PPP6C: variants seen among roughly 807,000 people sequenced by gnomAD.
PPP6C encodes the protein serine/threonine-protein phosphatase 6 catalytic subunit.
PPP6C carries 11 observed loss-of-function variants against 39.8 expected under a neutral mutation model. That is an observed-to-expected ratio of 0.28 (90% CI 0.17 to 0.46). The LOEUF (loss-of-function observed/expected upper bound fraction) is 0.46. Among genes scored for constraint, PPP6C ranks in the 20% least tolerant of loss-of-function variants. The probability of loss-of-function intolerance (pLI) is 1.00; values close to 1 mark genes in which losing one functional copy is unlikely to be tolerated. For missense variants in PPP6C, 211 were observed against 373.9 expected (o/e 0.56, Z 3.59); for synonymous variants, 129 against 130.3 (o/e 0.99, Z 0.07).
chr9:125,155,571 ATATAAGTCC>A (rs1186936622), intron 4 of PPP6C, among the ~76,000 whole-genome samples: 1 of 152,210 alleles, frequency 6.6e-6, no homozygotes, highest in Non-Finnish European at 1.5e-5. Flanking sequence ...TTGAAAATCA[ATATAAGTCC>A]TATAATAACT....
Position 125,149,960 on chromosome 9 carries a change from A to T in PPP6C, c.670-39T>A, listed in dbSNP as rs554904334. ...AGGCACTGTAAGTACTTAGCACTTA[A>T]AAAACAATCGGCCTACATAATCATT... On this transcript the variant is annotated intron_variant, in intron 6 of 6. Transcript: ENST00000373547. The T allele has an allele frequency of 2.5e-6, 4 of 1,593,354 alleles. No homozygotes were observed. The Admixed American group carries it at 7.1e-5, about 28-fold the overall frequency.
At position 125,149,651 on chromosome 9, in the gene PPP6C, G is replaced by T; in HGVS notation, c.*22C>A. 2.5e-6 allele frequency: 4 copies of T among 1,609,690 alleles called. No individual in the cohort carries two copies. The highest frequency in any genetic ancestry group is 3.4e-6 in the Non-Finnish European group (4 of 1,176,680). ...GGGTAAGAAGAGGGCAGAAAAATGG[G>T]TCAGCAGGATGGGCGAAGGCCTCAA... On this transcript the variant is annotated 3_prime_UTR_variant, in exon 7 of 7. Coordinates refer to ENST00000373547, the MANE Select transcript of PPP6C (RefSeq NM_002721.5).
intron 1 of PPP6C, among the ~76,000 whole-genome samples, chr9:125,177,534 T>C (rs1201769926): frequency 6.6e-6 from 1 of 151,762 alleles, no homozygotes; most frequent in Non-Finnish European, 1.5e-5. Flanking sequence ...TCGTTCTCCA[T>C]ATAAAGGGAA....
intron 4 of PPP6C, among the ~76,000 whole-genome samples, chr9:125,157,018 T>G (rs1315571348): frequency 1.3e-5 from 2 of 152,044 alleles, no homozygotes; most frequent in East Asian, 3.8e-4. Context: ...CTAGGGTACA[T>G]GTGCACAACG....
chr9:125,178,450 T>C (rs1255997788), intron 1 of PPP6C, among the ~76,000 whole-genome samples: 1 of 152,208 alleles, frequency 6.6e-6, no homozygotes, highest in Non-Finnish European at 1.5e-5. Flanking sequence ...CACTGTATCT[T>C]CTTTGATGAG....
intron 2 of PPP6C, among the ~76,000 whole-genome samples, chr9:125,170,528 C>T (rs1471870548): frequency 6.6e-6 from 1 of 152,142 alleles, no homozygotes; most frequent in East Asian, 1.9e-4. Flanking sequence ...TGAGCCACCA[C>T]GCCCGGCACT....
chr9:125,173,442 G>A (rs1829220005), intron 1 of PPP6C, among the ~76,000 whole-genome samples: 2 of 149,992 alleles, frequency 1.3e-5, no homozygotes, highest in African/African-American at 2.4e-5. Flanking sequence ...AGCCAGGCGT[G>A]GGGTGCACAG....
Position 125,187,416 on chromosome 9 carries a change from T to C in PPP6C, c.75+2228A>G, listed in dbSNP as rs565411059. 3.3e-5 allele frequency among the ~76,000 whole-genome samples: 5 copies of C among 151,820 alleles called. 1 individual carries two copies. In the South Asian group the frequency reaches 1.0e-3, roughly 31 times the overall value. On this transcript the variant is annotated intron_variant, in intron 1 of 6. Transcript: ENST00000373547. ...GCCTCAGCCTCCCAAGTAAGTAAAC[T>C]GGGATTACAGGCACCTACCACCATG...
Position 125,149,238 on chromosome 9 carries a change from T to C in PPP6C, c.*435A>G, listed in dbSNP as rs1354579638. 6.4e-6 allele frequency: 1 copy of C among 155,470 alleles called. No homozygotes were observed. The highest frequency in any genetic ancestry group is 2.4e-5 in the African/African-American group (1 of 41,514). The allele number at this position is 155,470 out of a possible 1,614,324, so 9.6% of individuals were successfully genotyped here. On this transcript the variant is annotated 3_prime_UTR_variant, in exon 7 of 7. Transcript: ENST00000373547. ...AACTTGAGGCATTTGGAGTCCATCG[T>C]GCCCACTGAATAACAACTTTGCTGC...
intron 2 of PPP6C, 137 bp from the exon 3 acceptor site, chr9:125,161,043 A>G (rs1828863396): frequency 4.0e-6 from 2 of 501,856 alleles, no homozygotes; most frequent in Non-Finnish European, 3.4e-6. Flanking sequence ...AGTGTAAGCC[A>G]AACTGCCAAG....
chr9:125,177,112 C>G (rs929107689), intron 1 of PPP6C, among the ~76,000 whole-genome samples: 1 of 152,140 alleles, frequency 6.6e-6, no homozygotes, highest in African/African-American at 2.4e-5. Flanking sequence ...CGGTGGCTCA[C>G]GCCTGTAATC....
intron 6 of PPP6C, 109 bp downstream of exon 6, chr9:125,153,424 C>T: frequency 1.0e-6 from 1 of 980,230 alleles, no homozygotes; most frequent in Non-Finnish European, 1.5e-6. Context: ...TCCACAGCCA[C>T]CATATTTTGA....
At chr9:125,158,409 A>G (rs1836132117) in intron 3 of PPP6C, 27 bp from the exon 4 acceptor site, 1 of 1,604,182 alleles carries the variant, frequency 6.2e-7, no homozygotes. Context: ...TACAGTTACA[A>G]ACAATACAAT....
intron 1 of PPP6C, among the ~76,000 whole-genome samples, chr9:125,179,676 A>AAC (rs1829382877): frequency 6.8e-6 from 1 of 147,314 alleles, no homozygotes; most frequent in South Asian, 2.1e-4. Context: ...TTTTTTTGGA[A>AAC]ACAAAGTCTT....
At chr9:125,165,143 G>C (rs2131317819) in intron 2 of PPP6C, among the ~76,000 whole-genome samples, 1 of 152,154 alleles carries the variant, frequency 6.6e-6, no homozygotes, top group African/African-American at 2.4e-5. Context: ...AAAAACCAGA[G>C]GTCCTGAAAA....
At chr9:125,166,254 T>G (rs1829009848) in intron 2 of PPP6C, among the ~76,000 whole-genome samples, 2 of 152,196 alleles carry the variant, frequency 1.3e-5, no homozygotes, top group Non-Finnish European at 2.9e-5. Flanking sequence ...GGAAAGTCTT[T>G]TAAGTGTCGG....
chr9:125,151,578 A>G, intron 6 of PPP6C: 1 of 784,268 alleles, frequency 1.3e-6, no homozygotes, highest in Non-Finnish European at 2.3e-6. Flanking sequence ...CTATTCAGTC[A>G]TGTCCCTTTA....
intron 2 of PPP6C, among the ~76,000 whole-genome samples, chr9:125,163,906 G>A (rs1312531913): frequency 2.0e-5 from 3 of 148,298 alleles, no homozygotes; most frequent in Non-Finnish European, 4.4e-5. Context: ...GGAGTGCAAT[G>A]GCACGATCTC....
intron 2 of PPP6C, among the ~76,000 whole-genome samples, chr9:125,165,243 A>C (rs1331219533): frequency 6.6e-6 from 1 of 152,156 alleles, no homozygotes; most frequent in Non-Finnish European, 1.5e-5. Flanking sequence ...TTTAAAAATT[A>C]ATAACATAGG....
Sources: gnomAD v4.1 joint callset for allele counts (sites outside exome capture counted in the v4.1 genomes callset) on GRCh38, gnomAD v4.1.1 for gene constraint, MANE v1.5 for transcripts, NCBI Gene and HGNC (gene_info 2026-07-23, HGNC 2026-07-21) for gene names.